PTPRD: variants seen among roughly 807,000 people sequenced by gnomAD.
The protein encoded by PTPRD is protein tyrosine phosphatase receptor type D.
PTPRD carries 34 observed loss-of-function variants against 214.5 expected under a neutral mutation model. The ratio of observed to expected loss-of-function variants is 0.16; its 90% CI spans 0.12 to 0.21. PTPRD has a LOEUF of 0.21. PTPRD is among the 10% of genes least tolerant of loss of function. The probability of loss-of-function intolerance (pLI) is 1.00; values close to 1 mark genes in which losing one functional copy is unlikely to be tolerated. For synonymous variants in PTPRD, 1,128 were observed against 845.7 expected, an observed-to-expected ratio of 1.33 and a Z score of -5.79; for missense variants, 2,545 against 2,398.7, an observed-to-expected ratio of 1.06 and a Z score of -1.27.
At chr9:8,742,921 C>A (rs140444106) in intron 11 of PTPRD, among the ~76,000 whole-genome samples, 2 of 151,978 alleles carry the variant, frequency 1.3e-5, no homozygotes, top group Non-Finnish European at 1.5e-5. Context: ...GTTGTCACAG[C>A]GCAAGAAGGG....
chr9:9,039,637 A>C (rs1428530202), intron 10 of PTPRD, among the ~76,000 whole-genome samples: 1 of 152,202 alleles, frequency 6.6e-6, no homozygotes, highest in Non-Finnish European at 1.5e-5. Flanking sequence ...AATATTTACT[A>C]TCTGTCCCTT....
At chr9:8,423,270 T>C (rs1407443251) in intron 35 of PTPRD, among the ~76,000 whole-genome samples, 3 of 152,294 alleles carry the variant, frequency 2.0e-5, no homozygotes, top group African/African-American at 7.2e-5. Flanking sequence ...TACTGTTCAT[T>C]TTAACAGAAC....
At chr9:9,067,669 A>G (rs922589072) in intron 10 of PTPRD, among the ~76,000 whole-genome samples, 3 of 152,190 alleles carry the variant, frequency 2.0e-5, no homozygotes, top group African/African-American at 7.2e-5. Context: ...ATAGATTTGC[A>G]TATGGTTGTA....
At chr9:10,133,322 G>A (rs1254802846) in intron 3 of PTPRD, among the ~76,000 whole-genome samples, 1 of 152,144 alleles carries the variant, frequency 6.6e-6, no homozygotes, top group Non-Finnish European at 1.5e-5. Flanking sequence ...GGGAATTGCA[G>A]AAAGTACACC....
intron 6 of PTPRD, among the ~76,000 whole-genome samples, chr9:9,738,002 T>TA (rs1425910116): frequency 2.7e-5 from 4 of 148,854 alleles, no homozygotes; most frequent in African/African-American, 5.0e-5. Flanking sequence ...TCTATTTTAT[T>TA]AAAAAAATCA....
At chr9:9,878,667 A>G (rs1325530337) in intron 5 of PTPRD, among the ~76,000 whole-genome samples, 1 of 152,170 alleles carries the variant, frequency 6.6e-6, no homozygotes, top group Non-Finnish European at 1.5e-5. Context: ...ATTTTCAAAT[A>G]GCATTGTTAG....
chr9:8,416,907 T>C (rs1398272199), intron 35 of PTPRD, among the ~76,000 whole-genome samples: 1 of 152,110 alleles, frequency 6.6e-6, no homozygotes, highest in African/African-American at 2.4e-5. Context: ...TGAGTCACTC[T>C]TGGTGGTCCA....
chr9:9,984,352 G>A (rs2095638437), intron 4 of PTPRD, among the ~76,000 whole-genome samples: 1 of 152,092 alleles, frequency 6.6e-6, no homozygotes. Context: ...AGCCACAGAA[G>A]GACAAATTTG....
At chr9:8,898,945 A>G (rs931604547) in intron 11 of PTPRD, among the ~76,000 whole-genome samples, 9 of 152,214 alleles carry the variant, frequency 5.9e-5, no homozygotes, top group Non-Finnish European at 4.4e-5. Context: ...ATAACTAGGA[A>G]GGCAAATAGG....
At chr9:9,882,754 C>A (rs982412326) in intron 5 of PTPRD, among the ~76,000 whole-genome samples, 3 of 152,064 alleles carry the variant, frequency 2.0e-5, no homozygotes, top group East Asian at 1.9e-4. Context: ...CAGACCCACC[C>A]TGATGTGATT....
At chr9:9,561,179 C>T (rs144505814) in intron 8 of PTPRD, among the ~76,000 whole-genome samples, 2 of 152,236 alleles carry the variant, frequency 1.3e-5, no homozygotes, top group African/African-American at 2.4e-5. Flanking sequence ...TATACGCCTG[C>T]GCTCTAAACT....
At chr9:10,223,926 A>T (rs1181020220) in intron 3 of PTPRD, among the ~76,000 whole-genome samples, 1 of 151,654 alleles carries the variant, frequency 6.6e-6, no homozygotes, top group Non-Finnish European at 1.5e-5. Flanking sequence ...ACTTGTTTAG[A>T]CTTTCCAATG....
At chr9:8,702,115 G>T (rs899932636) in intron 12 of PTPRD, among the ~76,000 whole-genome samples, 1 of 151,930 alleles carries the variant, frequency 6.6e-6, no homozygotes, top group African/African-American at 2.4e-5. Flanking sequence ...TGTAGCTTTT[G>T]TTCTCATCTA....
At chr9:8,554,434 A>C (rs556482612) in intron 14 of PTPRD, among the ~76,000 whole-genome samples, 1 of 152,314 alleles carries the variant, frequency 6.6e-6, no homozygotes, top group Non-Finnish European at 1.5e-5. Context: ...TTTCCTCTAA[A>C]TGAGCTATAA....
intron 14 of PTPRD, among the ~76,000 whole-genome samples, chr9:8,529,166 T>A (rs1259484172): frequency 1.3e-5 from 2 of 151,964 alleles, no homozygotes; most frequent in African/African-American, 4.8e-5. Flanking sequence ...GAAGGAGATT[T>A]TAGAAAGATT....
chr9:9,511,990 T>C (rs2096721229), intron 8 of PTPRD, among the ~76,000 whole-genome samples: 1 of 151,758 alleles, frequency 6.6e-6, no homozygotes, highest in Non-Finnish European at 1.5e-5. Flanking sequence ...AGGTCATAAA[T>C]GCGACTTACA....
chr9:9,338,466 A>C (rs2045476267), intron 9 of PTPRD, among the ~76,000 whole-genome samples: 1 of 152,180 alleles, frequency 6.6e-6, no homozygotes, highest in South Asian at 2.1e-4. Flanking sequence ...AGGTTTTTTT[A>C]GTTAAAAAAC....
intron 12 of PTPRD, among the ~76,000 whole-genome samples, chr9:8,693,544 T>C (rs2097851189): frequency 6.6e-6 from 1 of 152,112 alleles, no homozygotes; most frequent in Non-Finnish European, 1.5e-5. Flanking sequence ...ACTTAGAAAA[T>C]AAGGTGGTTA....
chr9:8,849,171 A>AAT (rs2097764355), intron 11 of PTPRD, among the ~76,000 whole-genome samples: 2 of 108,750 alleles, frequency 1.8e-5, no homozygotes, highest in African/African-American at 6.4e-5. Context: ...TCAAAAAAAA[A>AAT]TTTTTTTTTT....
Sources: allele counts gnomAD v4.1 joint callset (sites outside exome capture counted in the v4.1 genomes callset), GRCh38; gene constraint gnomAD v4.1.1; transcripts MANE v1.5; gene names NCBI Gene and HGNC (gene_info 2026-07-23, HGNC 2026-07-21).